Variants in ANO3 observed in about 807,000 individuals in gnomAD.
ANO3 encodes anoctamin 3, also known as anoctamin-3.
Under a neutral mutation model 144.8 loss-of-function variants are expected in ANO3, and 99 were observed. That is an observed-to-expected ratio of 0.68 (90% CI 0.58 to 0.81). The LOEUF (loss-of-function observed/expected upper bound fraction) is 0.81. ANO3 is among the 30% of genes least tolerant of loss of function. The probability of loss-of-function intolerance (pLI) is 0.00; values close to 1 mark genes in which losing one functional copy is unlikely to be tolerated. For missense variants in ANO3, 905 were observed against 1,202.2 expected, an observed-to-expected ratio of 0.75 and a Z score of 3.66; for synonymous variants, 414 against 392.6, an observed-to-expected ratio of 1.05 and a Z score of -0.64.
At chr11:26,528,589 T>A (rs1012486121) in intron 7 of ANO3, among the ~76,000 whole-genome samples, 7 of 152,172 alleles carry the variant, frequency 4.6e-5, no homozygotes, top group Non-Finnish European at 8.8e-5. Flanking sequence ...TTAGAATGCT[T>A]CCTTTTATTT....
At chr11:26,599,785 T>C (rs560148599) in intron 17 of ANO3, 71 bp downstream of exon 17, 1 of 1,390,290 alleles carries the variant, frequency 7.2e-7, no homozygotes, top group African/African-American at 1.4e-5. Flanking sequence ...ATGTTTCCTT[T>C]ATATTTGAAA....
At chr11:26,577,103 A>C (rs1057393628) in intron 14 of ANO3, among the ~76,000 whole-genome samples, 6 of 152,176 alleles carry the variant, frequency 3.9e-5, no homozygotes, top group Admixed American at 3.9e-4. Flanking sequence ...GAGCCATTTC[A>C]CAAGAAGAGT....
At chr11:26,553,828 G>C (rs1022360444) in intron 13 of ANO3, among the ~76,000 whole-genome samples, 1 of 152,054 alleles carries the variant, frequency 6.6e-6, no homozygotes, top group African/African-American at 2.4e-5. Flanking sequence ...CTTTGGGATT[G>C]GAACATGAAT....
chr11:26,413,203 G>A (rs2133988358), intron 1 of ANO3, among the ~76,000 whole-genome samples: 1 of 152,082 alleles, frequency 6.6e-6, no homozygotes, highest in Non-Finnish European at 1.5e-5. Flanking sequence ...GCAGGCAGAG[G>A]AAATGAAGGA....
chr11:26,508,989 C>A (rs1861542288), intron 5 of ANO3, among the ~76,000 whole-genome samples: 1 of 151,568 alleles, frequency 6.6e-6, no homozygotes, highest in African/African-American at 2.4e-5. Flanking sequence ...TTTTATCTTG[C>A]TAGGTGCCCC....
intron 12 of ANO3, among the ~76,000 whole-genome samples, chr11:26,548,361 T>C (rs1358709972): frequency 1.3e-5 from 2 of 151,922 alleles, no homozygotes; most frequent in Non-Finnish European, 2.9e-5. Context: ...ATTTAATATA[T>C]CACGAGTATA....
intron 1 of ANO3, among the ~76,000 whole-genome samples, chr11:26,382,137 T>A (rs1429413308): frequency 6.6e-6 from 1 of 152,196 alleles, no homozygotes; most frequent in Non-Finnish European, 1.5e-5. Context: ...CAAAGAGCTT[T>A]CTGGGCTTAC....
Position 26,661,307 on chromosome 11 carries a change from G to C in ANO3, c.*863G>C, listed in dbSNP as rs2133108486. On this transcript the variant is annotated 3_prime_UTR_variant, in exon 27 of 27. Coordinates refer to ENST00000256737, the MANE Select transcript of ANO3 (RefSeq NM_031418.4). ...ATAGTTTATTTAATTTTTTCTCTAT[G>C]ATTTATTACAACTCTCACGGAATAT... 6.6e-6 allele frequency: 1 copy of C among 152,608 alleles called. No homozygotes were observed. Among genetic ancestry groups the C allele is most frequent in the African/African-American group, 2.4e-5 (1 of 41,532 alleles). 9.5% of individuals were successfully genotyped at this position (152,608 alleles called of 1,614,324 possible). A position where few individuals can be genotyped will look rare whatever the true frequency, so the allele number is the denominator to read the frequency against.
intron 1 of ANO3, among the ~76,000 whole-genome samples, chr11:26,375,985 A>G (rs1856395409): frequency 6.6e-6 from 1 of 152,200 alleles, no homozygotes; most frequent in South Asian, 2.1e-4. Context: ...ATTCCAAAAT[A>G]TACACAATCA....
intron 1 of ANO3, chr11:26,287,631 G>A (rs1853839077): frequency 6.6e-6 from 1 of 152,198 alleles, no homozygotes; most frequent in Non-Finnish European, 1.5e-5. Context: ...AAGGCACAGA[G>A]ACTCTAAGCA....
At chr11:26,456,446 T>C (rs1859164269) in intron 3 of ANO3, among the ~76,000 whole-genome samples, 1 of 151,850 alleles carries the variant, frequency 6.6e-6, no homozygotes. Flanking sequence ...AAAGAAGACA[T>C]TTACGCAGCC....
intron 14 of ANO3, among the ~76,000 whole-genome samples, chr11:26,572,591 T>C (rs1249759747): frequency 6.6e-6 from 1 of 152,114 alleles, no homozygotes; most frequent in African/African-American, 2.4e-5. Flanking sequence ...CTCTAGTAGA[T>C]TGCCCTATTT....
intron 14 of ANO3, chr11:26,561,005 T>C: frequency 6.7e-7 from 1 of 1,497,124 alleles, no homozygotes; most frequent in South Asian, 1.3e-5. Flanking sequence ...GAAAGATGAA[T>C]TTGTCAAAAG....
At position 26,397,442 on chromosome 11, in the gene ANO3, A is replaced by C. The variant is rs141478744; in HGVS notation, c.47-44476A>C. 9.2e-5 allele frequency among the ~76,000 whole-genome samples: 14 copies of C among 152,242 alleles called. No homozygotes were observed. In the East Asian group the frequency reaches 2.7e-3, roughly 29 times the overall value. On this transcript the variant is annotated intron_variant, in intron 1 of 26. Transcript: ENST00000256737. ...ATAAATCAAAACACTGGAATAACAG[A>C]ATTTCAAGACTGCTCTGAGAAAGTT...
At chr11:26,591,405 G>T (rs972192369) in intron 14 of ANO3, among the ~76,000 whole-genome samples, 14 of 152,160 alleles carry the variant, frequency 9.2e-5, no homozygotes, top group African/African-American at 3.4e-4. Context: ...CTTAGTCATG[G>T]ACTGCATCTG....
At chr11:26,202,447 A>G (rs1180020424) in intron 1 of ANO3, among the ~76,000 whole-genome samples, 1 of 150,888 alleles carries the variant, frequency 6.6e-6, no homozygotes, top group East Asian at 1.9e-4. Context: ...TAGTGGGAAG[A>G]CAGCCACTTA....
At chr11:26,562,978 G>A (rs1356582607) in intron 14 of ANO3, 1 of 1,205,726 alleles carries the variant, frequency 8.3e-7, no homozygotes, top group African/African-American at 1.6e-5. Flanking sequence ...TAAACAGAAG[G>A]TGGATCAGAA....
chr11:26,311,242 A>G (rs1013835441), intron 1 of ANO3, among the ~76,000 whole-genome samples: 5 of 152,166 alleles, frequency 3.3e-5, no homozygotes, highest in Non-Finnish European at 7.3e-5. Context: ...GTGTGGATTT[A>G]TTGACTCTTC....
chr11:26,273,232 T>TTG (rs1853483587), intron 1 of ANO3, among the ~76,000 whole-genome samples: 1 of 146,134 alleles, frequency 6.8e-6, no homozygotes, highest in African/African-American at 2.7e-5. Flanking sequence ...TAAAGTTTTT[T>TTG]TTTTTTTTTT....
Sources: gnomAD v4.1 joint callset for allele counts (sites outside exome capture counted in the v4.1 genomes callset) on GRCh38, gnomAD v4.1.1 for gene constraint, MANE v1.5 for transcripts, NCBI Gene and HGNC (gene_info 2026-07-23, HGNC 2026-07-21) for gene names.